The following FBXO42 variants were observed in gnomAD, a reference collection of about 807,000 sequenced individuals.
The protein encoded by FBXO42 is F-box protein 42.
A neutral mutation model predicts 71.7 loss-of-function variants in FBXO42; 12 were observed. The observed-to-expected ratio is 0.17, with a 90% CI of 0.11 to 0.27. The LOEUF (loss-of-function observed/expected upper bound fraction) is 0.27. Ranked by LOEUF, FBXO42 falls within the 10% of genes least tolerant of loss-of-function variation. The pLI is 1.00. For synonymous variants in FBXO42, 325 were observed against 327.5 expected (o/e 0.99, Z 0.08); for missense variants, 707 against 911.9 (o/e 0.78, Z 2.89).
At chr1:16,299,532 A>G (rs2082168534) in intron 3 of FBXO42, among the ~76,000 whole-genome samples, 1 of 152,238 alleles carries the variant, frequency 6.6e-6, no homozygotes, top group African/African-American at 2.4e-5. Context: ...TTCAGTGACC[A>G]GCAGTCAATT....
At chr1:16,297,530 C>T (rs1337433979) in intron 3 of FBXO42, among the ~76,000 whole-genome samples, 2 of 152,074 alleles carry the variant, frequency 1.3e-5, no homozygotes, top group African/African-American at 2.4e-5. Context: ...AGGCTCACAC[C>T]TGCAAAATAT....
At chr1:16,286,271 A>G (rs571331359) in intron 4 of FBXO42, among the ~76,000 whole-genome samples, 1 of 152,288 alleles carries the variant, frequency 6.6e-6, no homozygotes, top group East Asian at 1.9e-4. Context: ...CTATGAAGAA[A>G]TACCCAAGAC....
chr1:16,299,021 T>C (rs1325990481), intron 3 of FBXO42, among the ~76,000 whole-genome samples: 2 of 151,924 alleles, frequency 1.3e-5, no homozygotes, highest in Non-Finnish European at 2.9e-5. Context: ...CTTTTTAATT[T>C]TTTTTCCTCG....
Position 16,256,071 on chromosome 1 carries a change from C to G in FBXO42, c.657-250G>C, listed in dbSNP as rs894228686. Among the ~76,000 whole-genome samples the G allele has an allele frequency of 2.0e-5, 3 of 152,214 alleles. 1 individual carries two copies. The South Asian group carries it at 6.2e-4, about 31-fold the overall frequency. ...AGAAAACGATGACAAGAGACAAGAT[C>G]ATGGCTTCTTTGGCCTGGTTTGCTG... On this transcript the variant is annotated intron_variant, in intron 5 of 9. Coordinates refer to ENST00000375592, the MANE Select transcript of FBXO42 (RefSeq NM_018994.3).
At chr1:16,335,461 T>G (rs138001857) in intron 1 of FBXO42, among the ~76,000 whole-genome samples, 1 of 152,270 alleles carries the variant, frequency 6.6e-6, no homozygotes, top group Non-Finnish European at 1.5e-5. Context: ...CTAACTAATC[T>G]GCCACAATTA....
intron 1 of FBXO42, among the ~76,000 whole-genome samples, chr1:16,347,987 C>T (rs1260040807): frequency 1.4e-5 from 2 of 139,912 alleles, no homozygotes. Flanking sequence ...CCCGAGACTC[C>T]GTCTCAAAAA....
In FBXO42 at chr1:16,252,485, G is replaced by T; in HGVS notation, c.922-81C>A. On this transcript the variant is annotated intron_variant, in intron 8 of 9. Coordinates refer to ENST00000375592, the MANE Select transcript of FBXO42 (RefSeq NM_018994.3). The surrounding 1 kb of genome is among the most constrained non-coding windows in gnomAD (Gnocchi z 4.4). ...ACACACACAGAGTTGCAGTCTCAAA[G>T]CTCTCCTGTCTGGTCTTGAAAGGAT... The T allele has an allele frequency of 9.0e-7, 1 of 1,105,024 alleles. No individual in the cohort carries two copies. Among genetic ancestry groups the T allele is most frequent in the Non-Finnish European group, 1.4e-6 (1 of 729,098 alleles). 68.5% of individuals were successfully genotyped at this position (1,105,024 alleles called of 1,614,324 possible).
chr1:16,320,661 ATTTTT>A (rs534488238), intron 1 of FBXO42, among the ~76,000 whole-genome samples: 1 of 144,580 alleles, frequency 6.9e-6, no homozygotes, highest in African/African-American at 2.5e-5. Flanking sequence ...TGCCCAGCTA[ATTTTT>A]TTTTTTTTTG....
chr1:16,331,352 T>G (rs1219311949), intron 1 of FBXO42, among the ~76,000 whole-genome samples: 1 of 151,718 alleles, frequency 6.6e-6, no homozygotes, highest in Non-Finnish European at 1.5e-5. Flanking sequence ...GAGGCAGAGC[T>G]TGCAGTGAGC....
intron 1 of FBXO42, among the ~76,000 whole-genome samples, chr1:16,348,637 G>A (rs879902540): frequency 2.7e-4 from 41 of 152,234 alleles, no homozygotes; most frequent in Admixed American, 2.0e-4. Flanking sequence ...GGAGGTAGAG[G>A]TTACAGTGAG....
chr1:16,274,172 G>T (rs1473189978), intron 4 of FBXO42, among the ~76,000 whole-genome samples: 2 of 151,894 alleles, frequency 1.3e-5, no homozygotes, highest in African/African-American at 4.8e-5. Flanking sequence ...CAGGCATGGT[G>T]GTGTGCATCT....
chr1:16,301,655 AGT>A (rs1228094909), intron 3 of FBXO42, among the ~76,000 whole-genome samples: 1 of 143,874 alleles, frequency 7.0e-6, no homozygotes, highest in African/African-American at 2.6e-5. Flanking sequence ...TGGGTGACAG[AGT>A]GAGACCCCAT....
At position 16,251,265 on chromosome 1, in the gene FBXO42, T is replaced by C; in HGVS notation, c.1559A>G (p.Asn520Ser). 1 of 1,614,212 alleles carries C rather than the reference T, an allele frequency of 6.2e-7. No homozygotes were observed. Among genetic ancestry groups the C allele is most frequent in the African/African-American group, 1.3e-5 (1 of 75,060 alleles). ...SSSNPMDGMD[N>S]RTVGGSMRHP... ...TCTCATACTTCCCCCAACTGTCCTA[T>C]TGTCCATGCCATCCATGGGATTACT... Residue 520 changes from asparagine (N) to serine (S), a missense_variant, in exon 10 of 10, where the codon AAT becomes AGT. This residue lies in a region of FBXO42 where 482 missense variants were observed against 587.1 expected (regional missense o/e 0.82). Coordinates refer to ENST00000375592, the MANE Select transcript of FBXO42 (RefSeq NM_018994.3). This position sits in a 1 kb window ranked among gnomAD's most constrained non-coding sequence, Gnocchi z 4.5.
At chr1:16,311,496 AAAAAAAAAT>A (rs1362223300) in intron 2 of FBXO42, among the ~76,000 whole-genome samples, 2,703 of 116,478 alleles carry the variant, frequency 0.023, 34 homozygotes, top group African/African-American at 0.039. Context: ...TCAAAAAAAA[AAAAAAAAAT>A]ATATATATAT....
intron 1 of FBXO42, among the ~76,000 whole-genome samples, chr1:16,341,801 G>A (rs756119777): frequency 4.0e-5 from 6 of 149,126 alleles, no homozygotes; most frequent in South Asian, 2.1e-4. Flanking sequence ...AGAAAACCCC[G>A]TCTCTACTAA....
At chr1:16,292,433 G>A (rs1452542495) in intron 4 of FBXO42, 1 of 152,232 alleles carries the variant, frequency 6.6e-6, no homozygotes, top group African/African-American at 2.4e-5. Flanking sequence ...TGGGACTATG[G>A]AGGCATGCCA....
At chr1:16,327,622 C>A (rs1471144238) in intron 1 of FBXO42, among the ~76,000 whole-genome samples, 1 of 152,176 alleles carries the variant, frequency 6.6e-6, no homozygotes, top group Non-Finnish European at 1.5e-5. Flanking sequence ...CCAAGTAACA[C>A]AGAAAAGTGA....
intron 1 of FBXO42, among the ~76,000 whole-genome samples, chr1:16,346,613 G>C (rs1054320524): frequency 6.6e-6 from 1 of 151,032 alleles, no homozygotes; most frequent in Non-Finnish European, 1.5e-5. Context: ...GTGTGAACCC[G>C]GGAAGCAGAG....
intron 4 of FBXO42, among the ~76,000 whole-genome samples, chr1:16,262,097 T>C (rs2081721115): frequency 2.0e-5 from 3 of 152,248 alleles, no homozygotes; most frequent in Non-Finnish European, 4.4e-5. Context: ...AAATTATTGC[T>C]ACTTTAAGAA....
Sources: gnomAD v4.1 joint callset for allele counts (sites outside exome capture counted in the v4.1 genomes callset) on GRCh38, gnomAD v4.1.1 for gene constraint, gnomAD v4.1.1 regional missense constraint, Gnocchi (gnomAD v3.1) non-coding constraint, MANE v1.5 for transcripts, NCBI Gene and HGNC (gene_info 2026-07-23, HGNC 2026-07-21) for gene names.